Variants in WDR72 observed in about 807,000 individuals in gnomAD.
WDR72 encodes WD repeat-containing protein 72.
WDR72 carries 120 observed loss-of-function variants against 124.2 expected under a neutral mutation model. That is an observed-to-expected ratio of 0.97 (90% confidence interval 0.83 to 1.12). The LOEUF (loss-of-function observed/expected upper bound fraction) is 1.12, where lower values mean the gene tolerates loss of function less well. WDR72 is among the 50% of genes most tolerant of loss of function. WDR72 has a pLI of 0.00. For synonymous variants in WDR72, 452 were observed against 441.7 expected, an observed-to-expected ratio of 1.02 and a Z score of -0.29; for missense variants, 1,387 against 1,278.8, an observed-to-expected ratio of 1.08 and a Z score of -1.29.
In WDR72 at chr15:53,615,512, T is replaced by C. The variant is rs114363728; in HGVS notation, c.2694A>G (p.Ser898=). 2,055 of 1,612,870 alleles carry C rather than the reference T, an allele frequency of 1.3e-3. 11 individuals carry two copies. Among genetic ancestry groups the C allele is most frequent in the South Asian group, 1.0e-3 (95 of 91,030 alleles). The change falls in exon 15 of 20, where the codon TCA becomes TCG. Residue 898 remains serine (S), a synonymous_variant. Transcript: ENST00000360509. The part of the protein sequence containing the change: ...LENNCDSLRE[S]DTIVYLLSRL... ...TGCTCAACAAATAAACTATAGTATC[T>C]GACTCTCGCAAAGAATCACAATTAT...
chr15:53,524,823 A>G (rs1238580174), intron 18 of WDR72, among the ~76,000 whole-genome samples: 1 of 152,060 alleles, frequency 6.6e-6, no homozygotes, highest in East Asian at 1.9e-4. Flanking sequence ...TTTCATCCAT[A>G]TGTTTCTGTG....
At chr15:53,547,411 C>T (rs765183535) in intron 18 of WDR72, among the ~76,000 whole-genome samples, 2 of 152,144 alleles carry the variant, frequency 1.3e-5, no homozygotes, top group Non-Finnish European at 2.9e-5. Context: ...GAATTAGAAG[C>T]GTGAGCCACC....
chr15:53,549,545 A>G (rs917807499), intron 18 of WDR72, among the ~76,000 whole-genome samples: 8 of 152,200 alleles, frequency 5.3e-5, no homozygotes, highest in African/African-American at 1.7e-4. Context: ...TTTCACACAC[A>G]TAATAAAAGC....
rs1768408141 is a variant in WDR72, at chr15:53,722,864, T to C, written c.198A>G (p.Thr66=). ...ELLFGHSASV[T]CLARARDFSK... is the part of the protein sequence containing the mutation. ...AGAAGTCCCTTGCTCTTGCCAAACA[T>C]GTTACCGAAGCTGAATGACCAAATA... Residue 66 remains threonine (T), a synonymous_variant, in exon 3 of 20, where the codon ACA becomes ACG. Transcript: ENST00000360509. 8 of 1,612,570 alleles carry C rather than the reference T, an allele frequency of 5.0e-6. No homozygotes were observed. Among genetic ancestry groups the C allele is most frequent in the African/African-American group, 1.4e-5 (1 of 73,590 alleles).
chr15:53,535,436 T>C (rs139095493), intron 18 of WDR72, among the ~76,000 whole-genome samples: 2 of 152,298 alleles, frequency 1.3e-5, no homozygotes, highest in Admixed American at 6.5e-5. Flanking sequence ...TCACAGAGAT[T>C]TATTTGCAAA....
intron 18 of WDR72, among the ~76,000 whole-genome samples, chr15:53,527,144 T>C (rs1892163001): frequency 1.3e-5 from 2 of 152,092 alleles, no homozygotes; most frequent in South Asian, 4.1e-4. Context: ...TTAAATCACA[T>C]TCAAGAACAC....
chr15:53,729,388 T>C (rs960787237), intron 2 of WDR72, among the ~76,000 whole-genome samples: 9 of 152,034 alleles, frequency 5.9e-5, no homozygotes, highest in African/African-American at 2.2e-4. Flanking sequence ...CCAAATACAA[T>C]TGAATAGTAT....
chr15:53,682,109 C>G (rs190450899), intron 13 of WDR72, among the ~76,000 whole-genome samples: 24 of 148,398 alleles, frequency 1.6e-4, no homozygotes, highest in Admixed American at 1.2e-3. Context: ...ACAATGCACA[C>G]CAGAAACCAC....
rs762717647 is a variant in WDR72 at position 53,699,835 on chromosome 15, C to T, written c.1680G>A (p.Val560=). 1.2e-6 allele frequency: 2 copies of T among 1,614,150 alleles called. No homozygotes were observed. The highest frequency in any genetic ancestry group is 1.7e-6 in the Non-Finnish European group (2 of 1,180,030). Residue 560 remains valine, a synonymous_variant, in exon 13 of 20, where the codon GTG becomes GTA. Transcript: ENST00000360509. ...LLHARKHLFP[V]RMIKWHPVEN... Reference sequence around the variant, plus strand: ...CAACCGGGTGCCATTTTATCATCCTCACAGGAAAAAGGTGCTTCCGGGCAT... The same window carrying T: ...CAACCGGGTGCCATTTTATCATCCTTACAGGAAAAAGGTGCTTCCGGGCAT...
At chr15:53,674,690 T>C (rs1326177804) in intron 13 of WDR72, among the ~76,000 whole-genome samples, 1 of 152,250 alleles carries the variant, frequency 6.6e-6, no homozygotes, top group Non-Finnish European at 1.5e-5. Flanking sequence ...TATTTTGTAC[T>C]ATATAGAGGC....
At chr15:53,519,817 T>A (rs891904611) in intron 19 of WDR72, among the ~76,000 whole-genome samples, 11 of 152,018 alleles carry the variant, frequency 7.2e-5, no homozygotes. Context: ...CCATCTAAAT[T>A]GTGACCTATA....
chr15:53,701,846 T>C (rs1019542985), intron 12 of WDR72, among the ~76,000 whole-genome samples: 3 of 151,986 alleles, frequency 2.0e-5, no homozygotes, highest in Admixed American at 6.6e-5. Context: ...AGGAAAAAAA[T>C]AGATGTAAGT....
At chr15:53,707,933 T>C (rs952912015) in intron 9 of WDR72, among the ~76,000 whole-genome samples, 2 of 152,202 alleles carry the variant, frequency 1.3e-5, no homozygotes, top group Non-Finnish European at 2.9e-5. Context: ...TCCAAGAGGC[T>C]GCTGGGTTAC....
At chr15:53,569,789 A>G (rs55933865) in intron 18 of WDR72, among the ~76,000 whole-genome samples, 20,059 of 152,046 alleles carry the variant, frequency 0.13, 1,730 homozygotes, top group African/African-American at 0.23. Context: ...TGGGAGGGAG[A>G]AAGTATAATT....
intron 6 of WDR72, 149 bp from the exon 7 acceptor site, chr15:53,713,040 A>T: frequency 1.2e-6 from 1 of 850,802 alleles, no homozygotes; most frequent in Non-Finnish European, 1.8e-6. Flanking sequence ...TGAACTAAGA[A>T]GTTACTTGGC....
intron 7 of WDR72, among the ~76,000 whole-genome samples, chr15:53,712,400 G>A (rs1264606755): frequency 3.3e-5 from 5 of 151,934 alleles, no homozygotes; most frequent in Non-Finnish European, 4.4e-5. Flanking sequence ...GTTTGAGATC[G>A]GCCTGACCAA....
chr15:53,657,867 C>T (rs942006172), intron 14 of WDR72, among the ~76,000 whole-genome samples: 6 of 152,130 alleles, frequency 3.9e-5, no homozygotes, highest in Non-Finnish European at 7.3e-5. Flanking sequence ...TAAAGGTCTT[C>T]GCTCACAATT....
intron 3 of WDR72, among the ~76,000 whole-genome samples, chr15:53,718,642 A>C (rs1186060897): frequency 3.4e-5 from 5 of 147,372 alleles, no homozygotes; most frequent in Non-Finnish European, 5.9e-5. Flanking sequence ...AAGACATGAA[A>C]TTGAACTATT....
chr15:53,705,960 C>G lies in WDR72; in HGVS notation c.1069G>C (p.Val357Leu). Residue 357 changes from valine to leucine, a missense_variant, in exon 10 of 20, where the codon GTT becomes CTT. Transcript: ENST00000360509. ...GRITLWHIPD[V>L]PVSKFDGSPR... The stretch of plus-strand genomic sequence containing the variant: ...GAACCATCAAACTTGGATACAGGAA[C>G]ATCAGGGATGTGCCACAAAGTAATT... 1 of 1,614,078 alleles carries G rather than the reference C, an allele frequency of 6.2e-7. No individual in the cohort carries two copies. Among genetic ancestry groups the G allele is most frequent in the African/African-American group, 1.3e-5 (1 of 75,028 alleles).
Sources: gnomAD v4.1 joint callset for allele counts (sites outside exome capture counted in the v4.1 genomes callset) on GRCh38, gnomAD v4.1.1 for gene constraint, MANE v1.5 for transcripts, NCBI Gene and HGNC (gene_info 2026-07-23, HGNC 2026-07-21) for gene names.